PRKCE: variants seen among roughly 807,000 people sequenced by gnomAD.
PRKCE encodes protein kinase C epsilon.
A neutral mutation model predicts 85.4 loss-of-function variants in PRKCE; 16 were observed. The observed-to-expected ratio is 0.19, with a 90% CI of 0.13 to 0.28. The LOEUF (loss-of-function observed/expected upper bound fraction) is 0.28, where lower values mean the gene tolerates loss of function less well. Among genes scored for constraint, PRKCE ranks in the 10% least tolerant of loss-of-function variants. The pLI, the probability that PRKCE is intolerant of heterozygous loss-of-function variation, is 1.00. For synonymous variants in PRKCE, 388 were observed against 371.5 expected (o/e 1.04, Z -0.51); for missense variants, 573 against 975.2 (o/e 0.59, Z 5.49).
intron 2 of PRKCE, among the ~76,000 whole-genome samples, chr2:45,917,855 A>C (rs1697931655): frequency 6.6e-6 from 1 of 152,186 alleles, no homozygotes; most frequent in African/African-American, 2.4e-5. Context: ...AATCGAGCGC[A>C]GCGCCCGTGG....
intron 6 of PRKCE, among the ~76,000 whole-genome samples, chr2:45,986,670 C>T (rs753901265): frequency 6.6e-6 from 1 of 151,928 alleles, no homozygotes; most frequent in Non-Finnish European, 1.5e-5. Flanking sequence ...GTGAGAGGCA[C>T]GAGGAGGGTG....
intron 2 of PRKCE, among the ~76,000 whole-genome samples, chr2:45,937,929 G>A (rs951256125): frequency 1.3e-5 from 2 of 152,196 alleles, no homozygotes; most frequent in Non-Finnish European, 2.9e-5. Flanking sequence ...TCTGGGAGCA[G>A]ACTGCAGGTC....
intron 11 of PRKCE, among the ~76,000 whole-genome samples, chr2:46,109,322 A>G (rs1450611532): frequency 6.6e-6 from 1 of 152,182 alleles, no homozygotes; most frequent in Non-Finnish European, 1.5e-5. Flanking sequence ...CTTCTAATCC[A>G]TGAACATGAA....
At chr2:46,161,960 A>G (rs893728127) in intron 14 of PRKCE, among the ~76,000 whole-genome samples, 2 of 152,096 alleles carry the variant, frequency 1.3e-5, no homozygotes, top group Non-Finnish European at 2.9e-5. Flanking sequence ...TGAGGTGAAC[A>G]GGTGTGGGTC....
chr2:45,661,333 C>T (rs1675630401), intron 1 of PRKCE, among the ~76,000 whole-genome samples: 1 of 151,582 alleles, frequency 6.6e-6, no homozygotes, highest in Non-Finnish European at 1.5e-5. Context: ...CAAGCATGAG[C>T]CACCACACCC....
intron 1 of PRKCE, among the ~76,000 whole-genome samples, chr2:45,725,675 A>G (rs1222269622): frequency 2.0e-5 from 3 of 152,142 alleles, no homozygotes; most frequent in Admixed American, 2.0e-4. Context: ...CACTAAAAAT[A>G]TAAAAATTAG....
rs1705019826 is a variant in PRKCE at position 46,004,732 on chromosome 2, A to G, written c.1063+94A>G. The stretch of plus-strand genomic sequence containing the variant: ...CTCTTTAACCAAGAGTGAGCTTGTT[A>G]GCTGAAATAGCTAGCAGCCCTGGTG... On this transcript the variant is annotated intron_variant, in intron 8 of 14. Coordinates refer to ENST00000306156, the MANE Select transcript of PRKCE (RefSeq NM_005400.3). The surrounding 1 kb of genome is among the most constrained non-coding windows in gnomAD (Gnocchi z 4.1). The G allele has an allele frequency of 9.5e-7, 1 of 1,055,636 alleles. No homozygotes were observed. 65.4% of individuals were successfully genotyped at this position (1,055,636 alleles called of 1,614,324 possible).
At position 46,187,093 on chromosome 2, in the gene PRKCE, T is replaced by C. The variant is rs1197423102; in HGVS notation, c.*2212T>C. ...ATTTTTTAGGAAGACATGATAATAC[T>C]GCCCATCATATTCATGTGTAACTAC... On this transcript the variant is annotated 3_prime_UTR_variant, in exon 15 of 15. Coordinates refer to ENST00000306156, the MANE Select transcript of PRKCE (RefSeq NM_005400.3). The C allele has an allele frequency of 6.6e-6, 1 of 152,670 alleles. No individual in the cohort carries two copies. The highest frequency in any genetic ancestry group is 2.4e-5 in the African/African-American group (1 of 41,462). 9.5% of individuals were successfully genotyped at this position (152,670 alleles called of 1,614,324 possible).
At chr2:46,166,195 TGAG>T (rs1356408110) in intron 14 of PRKCE, among the ~76,000 whole-genome samples, 1 of 152,212 alleles carries the variant, frequency 6.6e-6, no homozygotes, top group Admixed American at 6.5e-5. Context: ...CTTAGCGACC[TGAG>T]GAGGAGCCCT....
intron 1 of PRKCE, among the ~76,000 whole-genome samples, chr2:45,777,904 G>A (rs1413906408): frequency 6.6e-6 from 1 of 152,110 alleles, no homozygotes; most frequent in South Asian, 2.1e-4. Flanking sequence ...CCACACCAAA[G>A]GTTCTTGAGA....
intron 1 of PRKCE, among the ~76,000 whole-genome samples, chr2:45,712,681 G>GT (rs1679766775): frequency 6.6e-6 from 1 of 152,068 alleles, no homozygotes; most frequent in Non-Finnish European, 1.5e-5. Flanking sequence ...TGCCTGGAAG[G>GT]GCCTTTTGCC....
chr2:46,097,381 G>A (rs973832341), intron 11 of PRKCE, among the ~76,000 whole-genome samples: 50 of 152,176 alleles, frequency 3.3e-4, no homozygotes, highest in African/African-American at 9.6e-4. Flanking sequence ...TTAGCCGGGC[G>A]TGGTGGCGGG....
chr2:45,746,511 T>G (rs1558626620), intron 1 of PRKCE, among the ~76,000 whole-genome samples: 1 of 152,204 alleles, frequency 6.6e-6, no homozygotes, highest in East Asian at 1.9e-4. Flanking sequence ...CATTCCCTAT[T>G]CTGTAGCTGA....
chr2:45,823,936 C>T lies in PRKCE; in HGVS notation c.349-19064C>T, dbSNP rs973081999. On this transcript the variant is annotated intron_variant, in intron 1 of 14. Transcript: ENST00000306156. ...AGCAAGGATATGGCGTCTGGCTCAG[C>T]TGAGATGGACTGGGCATTGCACTCA... Among the ~76,000 whole-genome samples the T allele has an allele frequency of 1.9e-4, 29 of 152,230 alleles. 2 individuals carry two copies. The highest frequency in any genetic ancestry group is 1.5e-5 in the Non-Finnish European group (1 of 68,046).
chr2:46,051,177 C>A (rs1332094571), intron 10 of PRKCE, among the ~76,000 whole-genome samples: 1 of 152,240 alleles, frequency 6.6e-6, no homozygotes, highest in African/African-American at 2.4e-5. Flanking sequence ...CTCTTTCCCA[C>A]TGCAAGTCTC....
Position 45,838,114 on chromosome 2 carries a change from A to G in PRKCE, c.349-4886A>G, listed in dbSNP as rs112593754. ...TGCCCAGACCTCCCCTCAGAGCACC[A>G]TGGGGTGGTCAAGGTGTCTGAGGTA... On this transcript the variant is annotated intron_variant, in intron 1 of 14. Coordinates refer to ENST00000306156, the MANE Select transcript of PRKCE (RefSeq NM_005400.3). 1.1e-4 allele frequency among the ~76,000 whole-genome samples: 17 copies of G among 152,230 alleles called. 1 individual carries two copies. The highest frequency in any genetic ancestry group is 4.1e-4 in the African/African-American group (17 of 41,540).
intron 2 of PRKCE, among the ~76,000 whole-genome samples, chr2:45,974,633 C>A (rs1702322450): frequency 6.6e-6 from 1 of 152,210 alleles, no homozygotes; most frequent in Admixed American, 6.5e-5. Flanking sequence ...ATTTTACCTT[C>A]CCTCTACCCT....
At position 46,007,485 on chromosome 2, in the gene PRKCE, A is replaced by C. The variant is rs377738383; in HGVS notation, c.1087A>C (p.Ile363Leu). 2 of 1,599,812 alleles carry C rather than the reference A, an allele frequency of 1.3e-6. No individual in the cohort carries two copies. Among genetic ancestry groups the C allele is most frequent in the East Asian group, 4.5e-5 (2 of 44,882 alleles). The change falls in exon 9 of 15, where the codon ATT becomes CTT. Residue 363 changes from isoleucine to leucine, a missense_variant. Physicochemically the swap from Ile to Leu is conservative, Grantham distance 5 (BLOSUM62 2). Transcript: ENST00000306156. ...DQEIKELENN[I>L]RKALSFDNRG... ...AGAAATAAAAGAACTTGAGAACAAC[A>C]TTCGGAAAGCCTTGTCATTTGACAA...
chr2:46,126,305 C>T (rs915118565), intron 11 of PRKCE, among the ~76,000 whole-genome samples: 2 of 152,124 alleles, frequency 1.3e-5, no homozygotes, highest in Non-Finnish European at 2.9e-5. Context: ...CAGTGGTAAA[C>T]AAGACTCAGT....
Sources: gnomAD v4.1 joint callset for allele counts (sites outside exome capture counted in the v4.1 genomes callset) on GRCh38, gnomAD v4.1.1 for gene constraint, Gnocchi (gnomAD v3.1) non-coding constraint, MANE v1.5 for transcripts, NCBI Gene and HGNC (gene_info 2026-07-23, HGNC 2026-07-21) for gene names.